Variants in KLHL22 observed in about 807,000 individuals in gnomAD.
KLHL22 encodes the protein kelch-like protein 22.
A neutral mutation model predicts 60.7 loss-of-function variants in KLHL22; 18 were observed. The ratio of observed to expected loss-of-function variants is 0.30; its 90% CI spans 0.20 to 0.44. The LOEUF (loss-of-function observed/expected upper bound fraction) is 0.44, where lower values mean the gene tolerates loss of function less well. Among genes scored for constraint, KLHL22 ranks in the 20% least tolerant of loss-of-function variants. The pLI is 1.00. For synonymous variants in KLHL22, 355 were observed against 354.5 expected (o/e 1.00, Z -0.01); for missense variants, 596 against 852.3 (o/e 0.70, Z 3.74).
At chr22:20,470,072 C>T (rs2053289684) in intron 3 of KLHL22, among the ~76,000 whole-genome samples, 1 of 152,060 alleles carries the variant, frequency 6.6e-6, no homozygotes, top group South Asian at 2.1e-4. Context: ...GGTACAGAGG[C>T]TCACACCTGT....
rs1226009024 is a variant in KLHL22, at chr22:20,489,004, C to A, written c.208G>T (p.Ala70Ser). 1.2e-6 allele frequency: 2 copies of A among 1,613,842 alleles called. No homozygotes were observed. Among genetic ancestry groups the A allele is most frequent in the Non-Finnish European group, 1.7e-6 (2 of 1,180,038 alleles). The change falls in exon 2 of 7, where the codon GCG becomes TCG. Residue 70 changes from alanine to serine, a missense_variant. Ala to Ser is a moderately conservative substitution (Grantham distance 99, BLOSUM62 1). Transcript: ENST00000328879. The part of the protein sequence containing the change: ...HIEAHRILLA[A>S]SCDYFRGMFA... ...ACTCACCTGAAGTAATCGCAGGACG[C>A]AGCCAGCAGGATGCGATGGGCCTCG...
intron 5 of KLHL22, chr22:20,456,158 C>A (rs1403987240): frequency 6.6e-6 from 1 of 152,212 alleles, no homozygotes; most frequent in African/African-American, 2.4e-5. Flanking sequence ...CCTCTAGATT[C>A]ATCCTACCAG....
chr22:20,458,353 T>C (rs1376252924), intron 4 of KLHL22, among the ~76,000 whole-genome samples: 1 of 140,476 alleles, frequency 7.1e-6, no homozygotes, highest in Non-Finnish European at 1.5e-5. Context: ...CAATCATGGC[T>C]CACTGTAGCC....
At position 20,465,851 on chromosome 22, in the gene KLHL22, T is replaced by G. The variant is rs528130021; in HGVS notation, c.394-275A>C. ...TTTCTTTGAGACAAAGTTTCGCTCT[T>G]GTTGCCCAGAATGGAGTGCAGTGGC... is the stretch of plus-strand genomic sequence containing the variant. On this transcript the variant is annotated intron_variant, in intron 3 of 6. Coordinates refer to ENST00000328879, the MANE Select transcript of KLHL22 (RefSeq NM_032775.4). This position sits in a 1 kb window ranked among gnomAD's most constrained non-coding sequence, Gnocchi z 4.9. 6.6e-6 allele frequency among the ~76,000 whole-genome samples: 1 copy of G among 152,130 alleles called. No homozygotes were observed. Among genetic ancestry groups the G allele is most frequent in the Admixed American group, 6.5e-5 (1 of 15,268 alleles).
At position 20,465,307 on chromosome 22, in the gene KLHL22, A is replaced by G. The variant is rs1222978760; in HGVS notation, c.663T>C (p.His221=). Residue 221 remains histidine, a synonymous_variant, in exon 4 of 7, where the codon CAT becomes CAC. Transcript: ENST00000328879. The surrounding 1 kb of genome is among the most constrained non-coding windows in gnomAD (Gnocchi z 4.9). The part of the protein sequence containing the change: ...TEVYEGALLY[H]YSLEQVQADQ... Reference sequence around the variant, plus strand: ...CAGCCTGCACCTGCTCCAGGCTATAATGGTAGAGAAGGGCCCCCTCATATA... The same window carrying G: ...CAGCCTGCACCTGCTCCAGGCTATAGTGGTAGAGAAGGGCCCCCTCATATA... 2 of 1,614,000 alleles carry G rather than the reference A, an allele frequency of 1.2e-6. No homozygotes were observed. The highest frequency in any genetic ancestry group is 3.3e-5 in the Admixed American group (2 of 59,994).
In KLHL22 at chr22:20,487,221, C is replaced by CT. The variant is rs528654425; in HGVS notation, c.227+1763dup. 1.6e-4 allele frequency among the ~76,000 whole-genome samples: 24 copies of CT among 151,790 alleles called. No homozygotes were observed. In the East Asian group the frequency reaches 3.1e-3, roughly 20 times the overall value. On this transcript the variant is annotated intron_variant, in intron 2 of 6. Coordinates refer to ENST00000328879, the MANE Select transcript of KLHL22 (RefSeq NM_032775.4). ...AGGCGTGAGCCACTACATCCAGCCT[C>CT]TTTTTTGTTTTTTTGAAACAGGGTC...
At chr22:20,452,213 G>C (rs1485161796) in intron 5 of KLHL22, among the ~76,000 whole-genome samples, 1 of 151,360 alleles carries the variant, frequency 6.6e-6, no homozygotes, top group Non-Finnish European at 1.5e-5. Context: ...ATCCAGCCTA[G>C]ATGATTGGAA....
At chr22:20,448,222 G>A (rs1187344754) in intron 5 of KLHL22, among the ~76,000 whole-genome samples, 1 of 152,174 alleles carries the variant, frequency 6.6e-6, no homozygotes, top group Admixed American at 6.5e-5. Context: ...GTTGTTGCAT[G>A]TACAGGTTGA....
chr22:20,472,898 GA>G (rs2053350622), intron 2 of KLHL22, among the ~76,000 whole-genome samples: 4 of 152,176 alleles, frequency 2.6e-5, no homozygotes, highest in Admixed American at 2.6e-4. Flanking sequence ...GGCAGCCGGG[GA>G]GGGAGTTCCA....
rs754900177 is a variant in KLHL22 at position 20,464,936 on chromosome 22, G to A, written c.1034C>T (p.Ala345Val). The change falls in exon 4 of 7, where the codon GCG (alanine) becomes GTG (valine). Residue 345 changes from alanine to valine, a missense_variant. By Grantham distance (64) the Ala-to-Val change is moderately conservative. Coordinates refer to ENST00000328879, the MANE Select transcript of KLHL22 (RefSeq NM_032775.4). ...LAPRMSNQGI[A>V]VLNNFVYLIG... ...CAAGTATACGAAGTTGTTGAGCACC[G>A]CGATGCCCTGGTTGGACATGCGGGG... The A allele has an allele frequency of 4.4e-6, 7 of 1,595,770 alleles. No homozygotes were observed. Among genetic ancestry groups the A allele is most frequent in the African/African-American group, 2.7e-5 (2 of 74,450 alleles).
chr22:20,494,374 G>A (rs184023090), intron 1 of KLHL22, among the ~76,000 whole-genome samples: 3 of 151,248 alleles, frequency 2.0e-5, no homozygotes, highest in Non-Finnish European at 3.0e-5. Flanking sequence ...ACTGCGCCCG[G>A]CTAATTTTTC....
Position 20,441,829 on chromosome 22 carries a change from G to A in KLHL22, c.*244C>T. On this transcript the variant is annotated 3_prime_UTR_variant, in exon 7 of 7. Transcript: ENST00000328879. ...AACCCCTCCAGGGCTCACTGAGGAA[G>A]GCCAAAGCCTTTCAGAAGCAGTTCC... 1 of 400,470 alleles carries A rather than the reference G, an allele frequency of 2.5e-6. No homozygotes were observed. The highest frequency in any genetic ancestry group is 4.4e-6 in the Non-Finnish European group (1 of 227,338). 24.8% of individuals were successfully genotyped at this position (400,470 alleles called of 1,614,324 possible). A position where few individuals can be genotyped will look rare whatever the true frequency, so the allele number is the denominator to read the frequency against.
chr22:20,466,265 T>C (rs2053233681), intron 3 of KLHL22, among the ~76,000 whole-genome samples: 1 of 149,912 alleles, frequency 6.7e-6, no homozygotes, highest in South Asian at 2.1e-4. Flanking sequence ...TCCCAGCTAC[T>C]CAGGAGGCTG....
chr22:20,494,591 G>C (rs186237859), intron 1 of KLHL22, among the ~76,000 whole-genome samples: 76 of 152,148 alleles, frequency 5.0e-4, no homozygotes, highest in African/African-American at 1.8e-3. Context: ...ATGTTGGCCA[G>C]GCTAGTCTCT....
intron 5 of KLHL22, among the ~76,000 whole-genome samples, chr22:20,448,036 C>T (rs946282480): frequency 6.6e-6 from 1 of 152,186 alleles, no homozygotes; most frequent in Non-Finnish European, 1.5e-5. Flanking sequence ...TCCCGAGGGG[C>T]TGCCCTTTAG....
At chr22:20,461,165 G>C (rs1014142268) in intron 4 of KLHL22, among the ~76,000 whole-genome samples, 1 of 152,210 alleles carries the variant, frequency 6.6e-6, no homozygotes, top group Non-Finnish European at 1.5e-5. Flanking sequence ...AACTGACTAG[G>C]AGAGTCACTT....
chr22:20,452,220 G>A (rs915574453), intron 5 of KLHL22, among the ~76,000 whole-genome samples: 52 of 151,312 alleles, frequency 3.4e-4, no homozygotes, highest in Middle Eastern at 3.4e-3. Flanking sequence ...CTAGATGATT[G>A]GAAAGATACC....
chr22:20,456,400 A>C (rs2053063319), intron 5 of KLHL22: 1 of 152,256 alleles, frequency 6.6e-6, no homozygotes, highest in African/African-American at 2.4e-5. Flanking sequence ...ACCGGCAGCC[A>C]CGATGCAGCT....
At chr22:20,470,458 C>T (rs951582986) in intron 3 of KLHL22, among the ~76,000 whole-genome samples, 6 of 151,936 alleles carry the variant, frequency 3.9e-5, no homozygotes, top group African/African-American at 1.2e-4. Flanking sequence ...CTAGCCTAAG[C>T]AACAAAGCAA....
Sources: allele counts gnomAD v4.1 joint callset (sites outside exome capture counted in the v4.1 genomes callset), GRCh38; gene constraint gnomAD v4.1.1; non-coding constraint Gnocchi (gnomAD v3.1); transcripts MANE v1.5; gene names NCBI Gene and HGNC (gene_info 2026-07-23, HGNC 2026-07-21).